Variants in ARHGAP35 observed in about 807,000 individuals in gnomAD.
ARHGAP35 encodes the protein Rho GTPase activating protein 35.
ARHGAP35 carries 15 observed loss-of-function variants against 111.1 expected under a neutral mutation model. The observed-to-expected ratio is 0.13, with a 90% CI of 0.09 to 0.21. The LOEUF (loss-of-function observed/expected upper bound fraction) is 0.21. ARHGAP35 is among the 10% of genes least tolerant of loss of function. The probability of loss-of-function intolerance (pLI) is 1.00; values close to 1 mark genes in which losing one functional copy is unlikely to be tolerated. For missense variants in ARHGAP35, 1,262 were observed against 1,873.0 expected, an observed-to-expected ratio of 0.67 and a Z score of 6.02; for synonymous variants, 643 against 710.3, an observed-to-expected ratio of 0.91 and a Z score of 1.51.
rs565886907 is a variant in ARHGAP35 at position 46,879,079 on chromosome 19, T to C, written c.-189+17870T>C. 6.6e-5 allele frequency among the ~76,000 whole-genome samples: 10 copies of C among 152,360 alleles called. No individual in the cohort carries two copies. In the South Asian group the frequency reaches 2.1e-3, roughly 32 times the overall value. On this transcript the variant is annotated intron_variant, in intron 1 of 6. Transcript: ENST00000672722. ...GAAACCCTGCTGCTACTTTATCAGCTAAGCTATGTAATACTCTGAATCCTT... is the reference window on the plus strand; with the variant it reads ...GAAACCCTGCTGCTACTTTATCAGCCAAGCTATGTAATACTCTGAATCCTT...
chr19:46,883,193 C>T (rs1268161653), intron 1 of ARHGAP35, among the ~76,000 whole-genome samples: 1 of 151,974 alleles, frequency 6.6e-6, no homozygotes, highest in East Asian at 1.9e-4. Flanking sequence ...CTCCGAGGTT[C>T]AAGCGATCCT....
intron 3 of ARHGAP35, among the ~76,000 whole-genome samples, chr19:46,979,498 A>G (rs1371307454): frequency 6.6e-6 from 1 of 152,176 alleles, no homozygotes; most frequent in African/African-American, 2.4e-5. Context: ...CATTTTCTTG[A>G]AAGTCAGGGA....
At chr19:46,942,238 TGTA>T (rs1186550489) in intron 3 of ARHGAP35, among the ~76,000 whole-genome samples, 1 of 152,242 alleles carries the variant, frequency 6.6e-6, no homozygotes, top group Non-Finnish European at 1.5e-5. Context: ...AGATGTTTCT[TGTA>T]GTCTTATTTC....
At position 46,918,587 on chromosome 19, in the gene ARHGAP35, C is replaced by A; in HGVS notation, c.-89C>A. 1 of 1,347,472 alleles carries A rather than the reference C, an allele frequency of 7.4e-7. No individual in the cohort carries two copies. Among genetic ancestry groups the A allele is most frequent in the Non-Finnish European group, 1.0e-6 (1 of 968,096 alleles). The allele number at this position is 1,347,472 out of a possible 1,614,324, so 83.5% of individuals were successfully genotyped here. ...GCATTTTTGCTGCATGTCCAGCCCA[C>A]CCCCACTAATAATGTAGGAAGCTGT... is the stretch of plus-strand genomic sequence containing the variant. On this transcript the variant is annotated 5_prime_UTR_variant, in exon 2 of 7. Coordinates refer to ENST00000672722, the MANE Select transcript of ARHGAP35 (RefSeq NM_004491.5). The surrounding 1 kb of genome is among the most constrained non-coding windows in gnomAD (Gnocchi z 5.4).
At position 46,864,763 on chromosome 19, in the gene ARHGAP35, C is replaced by G. The variant is rs73940789; in HGVS notation, c.-189+3554C>G. Among the ~76,000 whole-genome samples, 1,126 of 152,194 alleles carry G rather than the reference C, an allele frequency of 7.4e-3. 20 individuals carry two copies. The highest frequency in any genetic ancestry group is 0.024 in the African/African-American group (999 of 41,534). ...TGACTTAAAGATTTTTGGTTCATTT[C>G]CGTTGGTAAATTTTTAGCCTTGTGT... On this transcript the variant is annotated intron_variant, in intron 1 of 6. Transcript: ENST00000672722.
chr19:46,920,045 GT>G lies in ARHGAP35; in HGVS notation c.1374del (p.Phe458LeufsTer3). ...TPGKPWEEAR[S>X]FIMNEDFYQW... ...GGAAAGCCTTGGGAAGAGGCCCGTA[GT>G]TTTATTATGAATGAGGATTTCTACC... On this transcript the variant is annotated frameshift_variant, in exon 2 of 7. Coordinates refer to ENST00000672722, the MANE Select transcript of ARHGAP35 (RefSeq NM_004491.5). LOFTEE classifies it high-confidence loss of function. The surrounding 1 kb of genome is among the most constrained non-coding windows in gnomAD (Gnocchi z 7.0). 6.2e-7 allele frequency: 1 copy of G among 1,613,666 alleles called. No homozygotes were observed. The highest frequency in any genetic ancestry group is 8.5e-7 in the Non-Finnish European group (1 of 1,179,824).
In ARHGAP35 at chr19:46,974,687, T is replaced by C. The variant is rs138131574; in HGVS notation, c.3827-13302T>C. 2.2e-3 allele frequency among the ~76,000 whole-genome samples: 328 copies of C among 152,230 alleles called. 3 individuals are homozygous for C. The highest frequency in any genetic ancestry group is 3.4e-3 in the Non-Finnish European group (234 of 68,016). The stretch of plus-strand genomic sequence containing the variant: ...GATGTCCGCTTGATTGATTAACTCA[T>C]TGGCCATTGGTGATTGAGCTCAATC... On this transcript the variant is annotated intron_variant, in intron 3 of 6. Coordinates refer to ENST00000672722, the MANE Select transcript of ARHGAP35 (RefSeq NM_004491.5).
rs534697356 is a variant in ARHGAP35 at position 46,936,901 on chromosome 19, GCAATCTCGGCTCACCT to G, written c.3682-355_3682-340del. Among the ~76,000 whole-genome samples, 43 of 141,110 alleles carry G rather than the reference GCAATCTCGGCTCACCT, an allele frequency of 3.0e-4. No homozygotes were observed. In the East Asian group the frequency reaches 8.2e-3, roughly 27 times the overall value. 92.6% of individuals were successfully genotyped at this position (141,110 alleles called of 152,430 possible). A position where few individuals can be genotyped will look rare whatever the true frequency, so the allele number is the denominator to read the frequency against. ...GTCATCCAGGCTGGAATACAGTGGC[GCAATCTCGGCTCACCT>G]CAATCTCCACCTCCTGGGTTCAAGC... is the stretch of plus-strand genomic sequence containing the variant. On this transcript the variant is annotated intron_variant, in intron 2 of 6. Transcript: ENST00000672722.
At chr19:46,968,569 G>A (rs1233341348) in intron 3 of ARHGAP35, among the ~76,000 whole-genome samples, 1 of 152,120 alleles carries the variant, frequency 6.6e-6, no homozygotes, top group African/African-American at 2.4e-5. Context: ...AAAATGGTAA[G>A]AACCCAAATA....
At chr19:46,898,111 G>A (rs939666733) in intron 1 of ARHGAP35, among the ~76,000 whole-genome samples, 9 of 151,864 alleles carry the variant, frequency 5.9e-5, no homozygotes, top group African/African-American at 1.7e-4. Flanking sequence ...GCATGGTGGC[G>A]CATGCCTGTA....
intron 1 of ARHGAP35, among the ~76,000 whole-genome samples, chr19:46,884,046 C>T (rs879155088): frequency 6.6e-6 from 1 of 152,152 alleles, no homozygotes; most frequent in Non-Finnish European, 1.5e-5. Context: ...CAGAGCAAGA[C>T]TCCATCTCAA....
intron 3 of ARHGAP35, among the ~76,000 whole-genome samples, chr19:46,975,879 G>C (rs1255813039): frequency 6.6e-6 from 1 of 152,170 alleles, no homozygotes; most frequent in East Asian, 1.9e-4. Context: ...AATTCAGTTA[G>C]TTACTATTTC....
In ARHGAP35 at chr19:46,992,377, A is replaced by T. The variant is rs1238441552; in HGVS notation, c.4036+2702A>T. 6.6e-6 allele frequency among the ~76,000 whole-genome samples: 1 copy of T among 152,210 alleles called. No individual in the cohort carries two copies. The highest frequency in any genetic ancestry group is 1.5e-5 in the Non-Finnish European group (1 of 68,032). On this transcript the variant is annotated intron_variant, in intron 5 of 6. Transcript: ENST00000672722. The surrounding 1 kb of genome is among the most constrained non-coding windows in gnomAD (Gnocchi z 4.4). ...CAGAGCAAAGCTGAGCTTGAAGTGC[A>T]CAAACCCCAGCAAGGAAGGCGCGAG...
chr19:46,871,074 T>G (rs2055885134), intron 1 of ARHGAP35, among the ~76,000 whole-genome samples: 1 of 152,230 alleles, frequency 6.6e-6, no homozygotes, highest in South Asian at 2.1e-4. Context: ...TGTTTCTAAC[T>G]TTACCCATCT....
chr19:46,867,861 T>A (rs1047642815), intron 1 of ARHGAP35, among the ~76,000 whole-genome samples: 26 of 152,028 alleles, frequency 1.7e-4, no homozygotes, highest in Admixed American at 1.2e-3. Context: ...CTGGTCAGCC[T>A]TTTTTTAAAT....
chr19:46,878,651 TG>T (rs1212357185), intron 1 of ARHGAP35, among the ~76,000 whole-genome samples: 38 of 152,212 alleles, frequency 2.5e-4, no homozygotes, highest in African/African-American at 9.1e-4. Context: ...TTGTTGTTGT[TG>T]TTGTTTTTTG....
intron 1 of ARHGAP35, among the ~76,000 whole-genome samples, chr19:46,893,451 A>G (rs2056036392): frequency 1.3e-5 from 2 of 152,060 alleles, no homozygotes; most frequent in African/African-American, 4.8e-5. Flanking sequence ...AGTGGGAAGC[A>G]TTGGGTGGGA....
intron 3 of ARHGAP35, among the ~76,000 whole-genome samples, chr19:46,963,236 C>T (rs181431292): frequency 5.9e-4 from 90 of 152,232 alleles, no homozygotes; most frequent in Non-Finnish European, 1.1e-3. Context: ...TGATTTTGAG[C>T]ACTTCCTGTG....
chr19:46,996,928 C>T (rs2056712611), intron 5 of ARHGAP35, among the ~76,000 whole-genome samples: 2 of 152,084 alleles, frequency 1.3e-5, no homozygotes, highest in Admixed American at 1.3e-4. Flanking sequence ...GAGGCCGAGG[C>T]GGGTGGATCA....
Sources: gnomAD v4.1 joint callset for allele counts (sites outside exome capture counted in the v4.1 genomes callset) on GRCh38, gnomAD v4.1.1 for gene constraint, Gnocchi (gnomAD v3.1) non-coding constraint, MANE v1.5 for transcripts, NCBI Gene and HGNC (gene_info 2026-07-23, HGNC 2026-07-21) for gene names.